TFG: variants seen among roughly 807,000 people sequenced by gnomAD.
The protein encoded by TFG is trafficking from ER to golgi regulator, also known as protein TFG.
Under a neutral mutation model 51.4 loss-of-function variants are expected in TFG, and 22 were observed. The observed-to-expected ratio is 0.43, with a 90% CI of 0.31 to 0.61. TFG has a LOEUF of 0.61. Ranked by LOEUF, TFG falls within the 20% of genes least tolerant of loss-of-function variation. The pLI, the probability that TFG is intolerant of heterozygous loss-of-function variation, is 0.12. For synonymous variants in TFG, 187 were observed against 165.6 expected (o/e 1.13, Z -0.99); for missense variants, 419 against 487.7 (o/e 0.86, Z 1.33).
In TFG at chr3:100,744,857, A is replaced by G; in HGVS notation, c.746A>G (p.Gln249Arg). Residue 249 changes from glutamine to arginine, a missense_variant, in exon 7 of 8, where the codon CAA becomes CGA. Gln to Arg is a conservative substitution (Grantham distance 43, BLOSUM62 1). Transcript: ENST00000240851. ...GGTCAGATGTACCAACAGTACCAGC[A>G]ACAGGCCGGCTATGGTGCACAGCAG... is the stretch of plus-strand genomic sequence containing the variant. ...IEGQMYQQYQ[Q>R]QAGYGAQQPQ... The G allele has an allele frequency of 1.9e-6, 3 of 1,613,616 alleles. No individual in the cohort carries two copies. The highest frequency in any genetic ancestry group is 2.5e-6 in the Non-Finnish European group (3 of 1,179,666).
chr3:100,716,786 G>A (rs1321476442), intron 2 of TFG, among the ~76,000 whole-genome samples: 1 of 152,040 alleles, frequency 6.6e-6, no homozygotes, highest in African/African-American at 2.4e-5. Context: ...GCATTTCCCT[G>A]ATGATTTGTG....
intron 3 of TFG, among the ~76,000 whole-genome samples, chr3:100,726,110 A>C (rs936528441): frequency 6.6e-6 from 1 of 152,128 alleles, no homozygotes; most frequent in Admixed American, 6.5e-5. Flanking sequence ...AGGGAAGCTG[A>C]TAGTGCAGCC....
intron 5 of TFG, among the ~76,000 whole-genome samples, chr3:100,733,624 C>T (rs923934518): frequency 2.0e-5 from 3 of 152,038 alleles, no homozygotes; most frequent in Non-Finnish European, 4.4e-5. Flanking sequence ...ACACACACTC[C>T]CCCCAACTCC....
At position 100,732,597 on chromosome 3, in the gene TFG, G is replaced by C. The variant is rs1288244132; in HGVS notation, c.505G>C (p.Asp169His). Residue 169 changes from aspartate (D) to histidine (H), a missense_variant, in exon 5 of 8, where the codon GAT becomes CAT. Coordinates refer to ENST00000240851, the MANE Select transcript of TFG (RefSeq NM_006070.6). ...TATGGCAGCAAGTATGTCTGCTTTT[G>C]ATCCTTTAAAAAACCAAGATGAAAT... is the stretch of plus-strand genomic sequence containing the variant. The part of the protein sequence containing the change: ...QVMAASMSAF[D>H]PLKNQDEINK... 6.2e-7 allele frequency: 1 copy of C among 1,612,446 alleles called. No individual in the cohort carries two copies. Among genetic ancestry groups the C allele is most frequent in the Non-Finnish European group, 8.5e-7 (1 of 1,179,202 alleles).
At chr3:100,728,642 C>A in intron 3 of TFG, 70 bp from the exon 4 acceptor site, 1 of 1,197,716 alleles carries the variant, frequency 8.3e-7, no homozygotes, top group Non-Finnish European at 1.1e-6. Flanking sequence ...TTTATTTTTC[C>A]TTGTTGCATA....
At chr3:100,730,086 AAGTT>A (rs1348295715) in intron 4 of TFG, among the ~76,000 whole-genome samples, 3 of 152,186 alleles carry the variant, frequency 2.0e-5, no homozygotes, top group Non-Finnish European at 4.4e-5. Flanking sequence ...ATCAATGAAA[AAGTT>A]AGACAATTTT....
In TFG at chr3:100,748,290, C is replaced by G. The variant is rs143129431; in HGVS notation, c.962C>G (p.Ala321Gly). ...GCTCAGCCGCCACAGCAGTACCAGG[C>G]GAGCAATTATCCTGCACAAACTTAC... The part of the protein sequence containing the change: ...LPAQPPQQYQ[A>G]SNYPAQTYTA... Residue 321 changes from alanine (A) to glycine (G), a missense_variant, in exon 8 of 8, where the codon GCG becomes GGG. By Grantham distance (60) the Ala-to-Gly change is moderately conservative (BLOSUM62 0). This residue lies in a region of TFG where 391 missense variants were observed against 434.4 expected (regional missense o/e 0.90). Coordinates refer to ENST00000240851, the MANE Select transcript of TFG (RefSeq NM_006070.6). The G allele has an allele frequency of 6.2e-7, 1 of 1,614,052 alleles. No homozygotes were observed. The highest frequency in any genetic ancestry group is 8.5e-7 in the Non-Finnish European group (1 of 1,179,984).
intron 3 of TFG, 39 bp from the exon 4 acceptor site, chr3:100,728,672 TG>T: frequency 7.9e-6 from 12 of 1,525,868 alleles, no homozygotes; most frequent in Non-Finnish European, 1.1e-5. Context: ...TACTTATTCA[TG>T]AACTTCTAAT....
At chr3:100,738,316 G>A (rs2095112238) in intron 6 of TFG, among the ~76,000 whole-genome samples, 1 of 152,150 alleles carries the variant, frequency 6.6e-6, no homozygotes, top group Non-Finnish European at 1.5e-5. Context: ...CAGAGTATAG[G>A]TATGATGAGA....
At chr3:100,736,136 G>A (rs2095105548) in intron 5 of TFG, among the ~76,000 whole-genome samples, 1 of 152,128 alleles carries the variant, frequency 6.6e-6, no homozygotes, top group African/African-American at 2.4e-5. Context: ...TTAGCTGAAA[G>A]GGAGGCATGT....
At chr3:100,737,690 A>G (rs2095110379) in intron 6 of TFG, among the ~76,000 whole-genome samples, 1 of 152,216 alleles carries the variant, frequency 6.6e-6, no homozygotes, top group South Asian at 2.1e-4. Flanking sequence ...AAACAAAAAC[A>G]AAACATAGGC....
intron 1 of TFG, among the ~76,000 whole-genome samples, chr3:100,711,559 C>T (rs956532311): frequency 2.6e-5 from 4 of 152,030 alleles, no homozygotes; most frequent in African/African-American, 9.7e-5. Flanking sequence ...TGTGAGGGGT[C>T]GGATGTAAAA....
chr3:100,730,251 A>G (rs558693573), intron 4 of TFG, among the ~76,000 whole-genome samples: 22 of 152,312 alleles, frequency 1.4e-4, no homozygotes, highest in African/African-American at 4.8e-4. Context: ...ATTCTACTCT[A>G]AGGAATGGAT....
At chr3:100,733,347 G>A (rs1196843594) in intron 5 of TFG, among the ~76,000 whole-genome samples, 1 of 152,094 alleles carries the variant, frequency 6.6e-6, no homozygotes, top group Non-Finnish European at 1.5e-5. Context: ...CAAGGTCGCT[G>A]TGATTTCTAA....
In TFG at chr3:100,748,780, A is replaced by G; in HGVS notation, c.*249A>G. ...TGGAACACTACTCTTACATGTATAAAGTGATTGACTTGACTTTCTAGCTTC... is the reference window on the plus strand; with the variant it reads ...TGGAACACTACTCTTACATGTATAAGGTGATTGACTTGACTTTCTAGCTTC... On this transcript the variant is annotated 3_prime_UTR_variant, in exon 8 of 8. Transcript: ENST00000240851. The G allele has an allele frequency of 2.5e-6, 1 of 406,038 alleles. No homozygotes were observed. Among genetic ancestry groups the G allele is most frequent in the Non-Finnish European group, 4.4e-6 (1 of 228,574 alleles). 25.2% of individuals were successfully genotyped at this position (406,038 alleles called of 1,614,324 possible). A position where few individuals can be genotyped will look rare whatever the true frequency, so the allele number is the denominator to read the frequency against.
chr3:100,748,324 A>G lies in TFG; in HGVS notation c.996A>G (p.Gln332=), dbSNP rs774298210. The change falls in exon 8 of 8, where the codon CAA becomes CAG. Residue 332 remains glutamine (Q), a synonymous_variant. Transcript: ENST00000240851. ...SNYPAQTYTA[Q]TSQPTNYTVA... is the part of the protein sequence containing the mutation. ...ATCCTGCACAAACTTACACTGCCCAAACTTCTCAGCCTACTAATTATACTG... is the reference window on the plus strand; with the variant it reads ...ATCCTGCACAAACTTACACTGCCCAGACTTCTCAGCCTACTAATTATACTG... The G allele has an allele frequency of 4.7e-5, 76 of 1,613,868 alleles. No individual in the cohort carries two copies. In the Admixed American group the frequency reaches 9.7e-4, roughly 21 times the overall value.
At chr3:100,713,443 A>G (rs910982158) in intron 1 of TFG, among the ~76,000 whole-genome samples, 200 bp from the exon 2 acceptor site, 3 of 152,264 alleles carry the variant, frequency 2.0e-5, no homozygotes, top group African/African-American at 4.8e-5. Context: ...GAGAAAAAAT[A>G]ATAGTAGACG....
intron 3 of TFG, among the ~76,000 whole-genome samples, chr3:100,726,236 G>A (rs898647971): frequency 2.6e-5 from 4 of 152,228 alleles, no homozygotes; most frequent in Admixed American, 2.0e-4. Context: ...GTGGAAGCAA[G>A]CATCTGGCAT....
chr3:100,711,874 A>C (rs1003723858), intron 1 of TFG, among the ~76,000 whole-genome samples: 1 of 152,110 alleles, frequency 6.6e-6, no homozygotes, highest in Admixed American at 6.6e-5. Flanking sequence ...TAGGTATTTA[A>C]TAAGTAGTTC....
Sources: allele counts gnomAD v4.1 joint callset (sites outside exome capture counted in the v4.1 genomes callset), GRCh38; gene constraint gnomAD v4.1.1; regional missense constraint gnomAD v4.1.1; transcripts MANE v1.5; gene names NCBI Gene and HGNC (gene_info 2026-07-23, HGNC 2026-07-21).